Variants in PVT1 observed in about 807,000 individuals in gnomAD.
PVT1 encodes the protein CXCR4/PVT1 fusion.
intron 3 of PVT1, among the ~76,000 whole-genome samples, chr8:127,977,317 C>G (rs1256423376): frequency 1.3e-5 from 2 of 152,146 alleles, no homozygotes; most frequent in East Asian, 3.9e-4. Context: ...CTGGGCTTCT[C>G]AAGTGTGGGT....
In PVT1 at chr8:127,997,668, A is replaced by T. The variant is rs140367581; in HGVS notation, n.912+8377A>T. ...AGGAGAATTGTGAAAACAGTTCAAA[A>T]AGTTCTCATATACCCTGCTCCCAGT... is the stretch of plus-strand genomic sequence containing the variant. On this transcript the variant is annotated intron_variant and non_coding_transcript_variant, in intron 4 of 10. Coordinates refer to ENST00000651587, the Ensembl canonical transcript of PVT1. Among the ~76,000 whole-genome samples the T allele has an allele frequency of 5.1e-3, 782 of 152,352 alleles. 4 individuals are homozygous for T. The highest frequency in any genetic ancestry group is 6.6e-3 in the Non-Finnish European group (449 of 68,030).
At chr8:127,893,051 G>A (rs553982321) in intron 3 of PVT1, among the ~76,000 whole-genome samples, 6 of 152,246 alleles carry the variant, frequency 3.9e-5, no homozygotes, top group African/African-American at 1.2e-4. Context: ...CTTCACAGTA[G>A]GGCCAGAGTG....
intron 4 of PVT1, among the ~76,000 whole-genome samples, chr8:127,997,139 C>T (rs539029886): frequency 2.0e-5 from 3 of 148,422 alleles, no homozygotes; most frequent in Non-Finnish European, 4.4e-5. Context: ...ACCACAAGCT[C>T]TGCCTCCCGG....
intron 2 of PVT1, among the ~76,000 whole-genome samples, chr8:127,805,458 GCA>G (rs1293860249): frequency 6.6e-6 from 1 of 152,128 alleles, no homozygotes; most frequent in Non-Finnish European, 1.5e-5. Flanking sequence ...CATGAGATTT[GCA>G]CAGAAGCTGA....
intron 3 of PVT1, among the ~76,000 whole-genome samples, chr8:127,969,877 G>A (rs1047691664): frequency 3.3e-5 from 5 of 152,208 alleles, no homozygotes; most frequent in Non-Finnish European, 7.3e-5. Context: ...ATTGGCCCAG[G>A]ACAAAAGCTT....
At chr8:127,950,396 T>A (rs2129925714) in intron 3 of PVT1, among the ~76,000 whole-genome samples, 1 of 152,336 alleles carries the variant, frequency 6.6e-6, no homozygotes, top group East Asian at 1.9e-4. Flanking sequence ...ACAAAGCTGT[T>A]GTGCCATGTG....
At chr8:128,040,713 TTGTG>T (rs1813519975) in intron 4 of PVT1, among the ~76,000 whole-genome samples, 1 of 152,060 alleles carries the variant, frequency 6.6e-6, no homozygotes, top group African/African-American at 2.4e-5. Flanking sequence ...GTGTGTATGT[TTGTG>T]TGTGTTATAT....
At chr8:127,896,623 T>C (rs1815680184) in intron 3 of PVT1, among the ~76,000 whole-genome samples, 1 of 152,156 alleles carries the variant, frequency 6.6e-6, no homozygotes, top group South Asian at 2.1e-4. Flanking sequence ...ATTATGTATG[T>C]ATTTATTTTA....
intron 2 of PVT1, among the ~76,000 whole-genome samples, chr8:127,848,285 C>T (rs1586405303): frequency 6.6e-6 from 1 of 152,288 alleles, no homozygotes; most frequent in East Asian, 1.9e-4. Context: ...GGTGTGGTGG[C>T]ATGTGCCTGT....
Position 128,045,251 on chromosome 8 carries a change from G to A in PVT1, n.913-24909G>A, listed in dbSNP as rs371098318. The stretch of plus-strand genomic sequence containing the variant: ...CTCTGAAGGGAGCTTTCATGTGGCC[G>A]ACCAACTCTACTCCTTGACTCCTCC... On this transcript the variant is annotated intron_variant and non_coding_transcript_variant, in intron 4 of 10. Coordinates refer to ENST00000651587, the Ensembl canonical transcript of PVT1. 7.9e-5 allele frequency among the ~76,000 whole-genome samples: 12 copies of A among 152,070 alleles called. No individual in the cohort carries two copies. In the East Asian group the frequency reaches 9.6e-4, roughly 12 times the overall value.
At chr8:127,844,761 T>C (rs1815012696) in intron 2 of PVT1, among the ~76,000 whole-genome samples, 1 of 152,146 alleles carries the variant, frequency 6.6e-6, no homozygotes, top group South Asian at 2.1e-4. Flanking sequence ...TTGCCCAGGC[T>C]GGAGTGCAGT....
chr8:127,930,079 G>A (rs1816185102), intron 3 of PVT1, among the ~76,000 whole-genome samples: 1 of 152,168 alleles, frequency 6.6e-6, no homozygotes, highest in African/African-American at 2.4e-5. Context: ...GATTTGCTGT[G>A]TGTTCCCAGC....
chr8:127,980,352 A>G (rs143829244), intron 3 of PVT1, among the ~76,000 whole-genome samples: 1 of 152,232 alleles, frequency 6.6e-6, no homozygotes, highest in African/African-American at 2.4e-5. Flanking sequence ...TACTACCCTT[A>G]CGGAGGTTAT....
chr8:127,905,418 G>T (rs1815807783), intron 3 of PVT1, among the ~76,000 whole-genome samples: 2 of 152,194 alleles, frequency 1.3e-5, no homozygotes, highest in African/African-American at 4.8e-5. Flanking sequence ...ATGAAGAAGA[G>T]AATTTCCTTT....
chr8:128,022,701 T>A (rs775386907), intron 4 of PVT1, among the ~76,000 whole-genome samples: 4 of 152,166 alleles, frequency 2.6e-5, no homozygotes, highest in Non-Finnish European at 5.9e-5. Flanking sequence ...GCTCAGTAAC[T>A]TTACGTAAGT....
intron 3 of PVT1, among the ~76,000 whole-genome samples, chr8:127,934,292 G>A (rs10104535): frequency 0.33 from 49,754 of 152,138 alleles, 8,485 homozygotes; most frequent in East Asian, 0.53. Flanking sequence ...TTTGCCCCAG[G>A]TACCTGTCTT....
intron 2 of PVT1, among the ~76,000 whole-genome samples, chr8:127,809,870 G>C (rs1814572043): frequency 6.6e-6 from 1 of 152,212 alleles, no homozygotes; most frequent in Non-Finnish European, 1.5e-5. Flanking sequence ...TTCGCACTTA[G>C]AGATTTTGAA....
Position 127,832,346 on chromosome 8 carries a change from T to A in PVT1, n.372+36275T>A, listed in dbSNP as rs189649416. Among the ~76,000 whole-genome samples the A allele has an allele frequency of 9.6e-4, 147 of 152,344 alleles. 1 individual carries two copies. The highest frequency in any genetic ancestry group is 2.0e-3 in the Admixed American group (31 of 15,302). ...ATCACTAGCTGATCATGACCTTCTC[T>A]TCCTTTGAGCCCAGACTCAGCTTAG... is the stretch of plus-strand genomic sequence containing the variant. On this transcript the variant is annotated intron_variant and non_coding_transcript_variant, in intron 2 of 10. Coordinates refer to ENST00000651587, the Ensembl canonical transcript of PVT1.
At chr8:128,044,293 A>G (rs1159628871) in intron 4 of PVT1, among the ~76,000 whole-genome samples, 3 of 151,388 alleles carry the variant, frequency 2.0e-5, no homozygotes, top group African/African-American at 4.9e-5. Flanking sequence ...TTACTTGTTT[A>G]TTTGTTTGTT....
Sources: gnomAD v4.1 joint callset for allele counts (sites outside exome capture counted in the v4.1 genomes callset) on GRCh38, gnomAD v4.1.1 for gene constraint, MANE v1.5 for transcripts, NCBI Gene and HGNC (gene_info 2026-07-23, HGNC 2026-07-21) for gene names.